The following FAM227B variants were observed in gnomAD, a reference collection of about 807,000 sequenced individuals.
FAM227B encodes family with sequence similarity 227 member B, also known as protein FAM227B.
A neutral mutation model predicts 73.8 loss-of-function variants in FAM227B; 88 were observed. The ratio of observed to expected loss-of-function variants is 1.19; its 90% CI spans 1.00 to 1.42. The LOEUF (loss-of-function observed/expected upper bound fraction) is 1.42. FAM227B is among the 40% of genes most tolerant of loss of function. The pLI is 0.00. For missense variants in FAM227B, 632 were observed against 590.9 expected, an observed-to-expected ratio of 1.07 and a Z score of -0.72; for synonymous variants, 210 against 190.5, an observed-to-expected ratio of 1.10 and a Z score of -0.84.
chr15:49,569,771 T>C (rs1047382411), intron 8 of FAM227B, among the ~76,000 whole-genome samples: 1 of 152,012 alleles, frequency 6.6e-6, no homozygotes, highest in East Asian at 1.9e-4. Flanking sequence ...CCTTTGAACA[T>C]GTGCCCATTG....
intron 11 of FAM227B, among the ~76,000 whole-genome samples, chr15:49,375,864 A>G (rs982023043): frequency 1.3e-5 from 2 of 152,122 alleles, no homozygotes; most frequent in African/African-American, 2.4e-5. Flanking sequence ...TGAGAATAAT[A>G]AAATTAGAAG....
intron 11 of FAM227B, chr15:49,422,497 A>C (rs1025778514): frequency 8.9e-5 from 114 of 1,273,858 alleles, no homozygotes; most frequent in Admixed American, 1.1e-4. Context: ...CTTTTTAAAG[A>C]ATAACAGCTT....
intron 3 of FAM227B, among the ~76,000 whole-genome samples, chr15:49,604,594 T>C (rs1255398831): frequency 6.6e-6 from 1 of 152,130 alleles, no homozygotes; most frequent in African/African-American, 2.4e-5. Context: ...TTTTGCTCTC[T>C]CAATTTAGGA....
At chr15:49,588,929 C>G (rs116961637) in intron 4 of FAM227B, among the ~76,000 whole-genome samples, 2,391 of 151,466 alleles carry the variant, frequency 0.016, 16 homozygotes, top group Middle Eastern at 0.038. Context: ...TATTAAATAC[C>G]AAAATAACAT....
rs117760788 is a variant in FAM227B, at chr15:49,446,596, C to T, written c.1012+61615G>A. 9.3e-3 allele frequency among the ~76,000 whole-genome samples: 1,399 copies of T among 151,088 alleles called. 26 individuals are homozygous for T. Among genetic ancestry groups the T allele is most frequent in the Non-Finnish European group, 0.015 (1,027 of 67,492 alleles). On this transcript the variant is annotated intron_variant, in intron 11 of 15. Coordinates refer to ENST00000299338, the MANE Select transcript of FAM227B (RefSeq NM_152647.3). Reference sequence around the variant, plus strand: ...GGAGGATTTCATAGAGGGTAAAGAGCTTTTTTAAAGAAGAGAACAAAATGT... The same window carrying T: ...GGAGGATTTCATAGAGGGTAAAGAGTTTTTTTAAAGAAGAGAACAAAATGT...
At chr15:49,543,883 G>A (rs1426635367) in intron 9 of FAM227B, among the ~76,000 whole-genome samples, 1 of 152,088 alleles carries the variant, frequency 6.6e-6, no homozygotes, top group African/African-American at 2.4e-5. Flanking sequence ...CTAGTACCAT[G>A]GTGTTTTGGT....
chr15:49,552,904 A>G (rs1438999199), intron 9 of FAM227B, among the ~76,000 whole-genome samples: 1 of 152,160 alleles, frequency 6.6e-6, no homozygotes, highest in Non-Finnish European at 1.5e-5. Context: ...AGTTTCCTCA[A>G]CACAGCTATT....
chr15:49,382,719 A>G (rs974384529), intron 11 of FAM227B, among the ~76,000 whole-genome samples: 2 of 152,132 alleles, frequency 1.3e-5, no homozygotes, highest in African/African-American at 4.8e-5. Flanking sequence ...TATGAGATAA[A>G]AAAGAACAAT....
intron 11 of FAM227B, among the ~76,000 whole-genome samples, chr15:49,501,799 C>T (rs1026470650): frequency 1.3e-5 from 2 of 152,178 alleles, no homozygotes; most frequent in Non-Finnish European, 1.5e-5. Context: ...AGACACAGGT[C>T]CTCTAGTCAC....
intron 9 of FAM227B, among the ~76,000 whole-genome samples, chr15:49,565,572 C>T (rs1198842952): frequency 2.6e-5 from 4 of 151,964 alleles, no homozygotes; most frequent in Non-Finnish European, 5.9e-5. Context: ...TATTTATAAT[C>T]ACACATTAAG....
intron 11 of FAM227B, among the ~76,000 whole-genome samples, chr15:49,383,105 G>T (rs1266069810): frequency 6.6e-6 from 1 of 151,948 alleles, no homozygotes; most frequent in Non-Finnish European, 1.5e-5. Flanking sequence ...ATAAACAGTT[G>T]ATGGATTGGA....
intron 11 of FAM227B, among the ~76,000 whole-genome samples, chr15:49,468,103 T>A (rs538852467): frequency 3.8e-4 from 58 of 152,332 alleles, no homozygotes; most frequent in Non-Finnish European, 1.8e-4. Flanking sequence ...CTAAAGATTT[T>A]CTAATGTTTT....
intron 10 of FAM227B, among the ~76,000 whole-genome samples, chr15:49,534,372 G>A (rs1257985339): frequency 2.0e-5 from 3 of 151,780 alleles, no homozygotes; most frequent in African/African-American, 7.3e-5. Context: ...TGTCACAAGG[G>A]ACAAATAACA....
At chr15:49,536,891 T>C (rs1243206069) in intron 10 of FAM227B, among the ~76,000 whole-genome samples, 1 of 151,978 alleles carries the variant, frequency 6.6e-6, no homozygotes, top group African/African-American at 2.4e-5. Context: ...GGACCCTTAT[T>C]TTATGCCACT....
At chr15:49,589,541 TTACACA>T (rs1476275407) in intron 4 of FAM227B, among the ~76,000 whole-genome samples, 1 of 86,188 alleles carries the variant, frequency 1.2e-5, no homozygotes, top group African/African-American at 4.1e-5. Context: ...CTTTATGAGA[TTACACA>T]CACACACACA....
At chr15:49,590,502 T>C (rs1040109396) in intron 3 of FAM227B, among the ~76,000 whole-genome samples, 6 of 152,168 alleles carry the variant, frequency 3.9e-5, no homozygotes, top group African/African-American at 1.4e-4. Context: ...AGGGGGAAGA[T>C]TAGAAGAGAT....
intron 11 of FAM227B, among the ~76,000 whole-genome samples, chr15:49,439,745 C>T (rs1485223395): frequency 6.6e-6 from 1 of 151,630 alleles, no homozygotes; most frequent in Non-Finnish European, 1.5e-5. Context: ...AGGGAGGAAA[C>T]CTTATACCAT....
intron 11 of FAM227B, chr15:49,424,200 A>G (rs1392335592): frequency 3.7e-6 from 4 of 1,091,530 alleles, no homozygotes; most frequent in African/African-American, 1.6e-5. Context: ...TCAATCTACA[A>G]TTCACAGATA....
At chr15:49,426,087 C>T (rs528193320) in intron 11 of FAM227B, among the ~76,000 whole-genome samples, 12 of 151,408 alleles carry the variant, frequency 7.9e-5, no homozygotes, top group South Asian at 2.1e-4. Context: ...CTGGTGGAGA[C>T]GACAGAGCCT....
Sources: gnomAD v4.1 joint callset for allele counts (sites outside exome capture counted in the v4.1 genomes callset) on GRCh38, gnomAD v4.1.1 for gene constraint, MANE v1.5 for transcripts, NCBI Gene and HGNC (gene_info 2026-07-23, HGNC 2026-07-21) for gene names.